The following DNAH8 variants were observed in gnomAD, a reference collection of about 807,000 sequenced individuals.
DNAH8 encodes the protein dynein axonemal heavy chain 8.
A neutral mutation model predicts 562.1 loss-of-function variants in DNAH8; 382 were observed. The observed-to-expected ratio is 0.68, with a 90% confidence interval of 0.63 to 0.74. The LOEUF (loss-of-function observed/expected upper bound fraction) is 0.74. Ranked by LOEUF, DNAH8 falls within the 30% of genes least tolerant of loss-of-function variation. The probability of loss-of-function intolerance (pLI) is 0.00; values close to 1 mark genes in which losing one functional copy is unlikely to be tolerated. For synonymous variants in DNAH8, 1,881 were observed against 1,919.4 expected, an observed-to-expected ratio of 0.98 and a Z score of 0.52; for missense variants, 5,203 against 5,620.4, an observed-to-expected ratio of 0.93 and a Z score of 2.37.
At chr6:38,760,449 A>G (rs1766377295) in intron 10 of DNAH8, among the ~76,000 whole-genome samples, 1 of 135,814 alleles carries the variant, frequency 7.4e-6, no homozygotes, top group South Asian at 2.7e-4. Flanking sequence ...TTGAATTTCT[A>G]AAATCTCAAA....
chr6:39,022,439 G>T (rs886536191), intron 91 of DNAH8, among the ~76,000 whole-genome samples: 7 of 152,202 alleles, frequency 4.6e-5, no homozygotes, highest in African/African-American at 1.4e-4. Context: ...GGAGCTGGGG[G>T]GTCCAGGCTT....
At chr6:38,975,520 CTGTG>C (rs1306017622) in intron 85 of DNAH8, among the ~76,000 whole-genome samples, 1 of 152,198 alleles carries the variant, frequency 6.6e-6, no homozygotes, top group East Asian at 1.9e-4. Context: ...CCAGAAAATA[CTGTG>C]TGTATTTACC....
intron 88 of DNAH8, among the ~76,000 whole-genome samples, chr6:38,992,381 C>T (rs141742851): frequency 3.0e-4 from 46 of 152,322 alleles, no homozygotes; most frequent in African/African-American, 1.0e-3. Context: ...ATCCCTTGTG[C>T]TATAGCAGTG....
chr6:38,715,958 A>T (rs370778134), intron 1 of DNAH8, among the ~76,000 whole-genome samples: 3,992 of 30,942 alleles, frequency 0.13, 590 homozygotes, highest in East Asian at 0.34. Flanking sequence ...ATATATATAT[A>T]TATTTTTTTT....
intron 57 of DNAH8, among the ~76,000 whole-genome samples, chr6:38,887,963 A>G (rs1043645039): frequency 3.3e-5 from 5 of 151,188 alleles, no homozygotes; most frequent in Non-Finnish European, 7.4e-5. Flanking sequence ...CAGCCTCCCA[A>G]TTAGCTGGGA....
intron 85 of DNAH8, among the ~76,000 whole-genome samples, chr6:38,981,798 A>G (rs1764056437): frequency 6.6e-6 from 1 of 152,232 alleles, no homozygotes; most frequent in Non-Finnish European, 1.5e-5. Flanking sequence ...AAGAACTCCA[A>G]CTTGGCAAAT....
chr6:38,842,556 G>T (rs762668340), intron 34 of DNAH8, 51 bp downstream of exon 34: 2 of 1,588,724 alleles, frequency 1.3e-6, no homozygotes, highest in East Asian at 2.2e-5. Flanking sequence ...GGATCCTATA[G>T]GTATTTCAGA....
chr6:38,908,401 G>A (rs997883545), intron 64 of DNAH8, among the ~76,000 whole-genome samples: 3 of 152,092 alleles, frequency 2.0e-5, no homozygotes, highest in African/African-American at 7.2e-5. Context: ...ATGTAACCTC[G>A]TCCAGCTCCA....
At chr6:38,878,602 A>G (rs963807880) in intron 53 of DNAH8, among the ~76,000 whole-genome samples, 23 of 152,204 alleles carry the variant, frequency 1.5e-4, no homozygotes, top group African/African-American at 5.3e-4. Context: ...AAGAGAAGAC[A>G]TACATTACCA....
chr6:38,857,552 A>T lies in DNAH8; in HGVS notation c.5768A>T (p.His1923Leu), dbSNP rs994955767. The T allele has an allele frequency of 2.5e-6, 4 of 1,613,572 alleles. No homozygotes were observed. The Admixed American group carries it at 6.7e-5, about 27-fold the overall frequency. The stretch of plus-strand genomic sequence containing the variant: ...CTGGGAATTCAGATGTTGTGGACAC[A>T]CGATTCAGAAGAGGCTTTACGTAAT... ...GLLGIQMLWT[H>L]DSEEALRNAK... is the part of the protein sequence containing the mutation. The change falls in exon 42 of 93, where the codon CAC (histidine) becomes CTC (leucine). Residue 1923 changes from histidine to leucine, a missense_variant. Around this residue, in one of 6 missense-constraint regions of DNAH8, gnomAD observed 2,176 missense variants for 2,365.1 expected, o/e 0.92. Transcript: ENST00000327475.
At chr6:38,980,024 A>T (rs1471404332) in intron 85 of DNAH8, among the ~76,000 whole-genome samples, 1 of 152,200 alleles carries the variant, frequency 6.6e-6, no homozygotes, top group East Asian at 1.9e-4. Context: ...TCATGTTAAT[A>T]TCCCATAACC....
chr6:38,932,284 T>A (rs1041915540), intron 76 of DNAH8, among the ~76,000 whole-genome samples: 1 of 151,754 alleles, frequency 6.6e-6, no homozygotes, highest in Non-Finnish European at 1.5e-5. Flanking sequence ...AGTCCTTGTC[T>A]TGGGGACACC....
chr6:38,778,100 T>A (rs1367734693), intron 13 of DNAH8, among the ~76,000 whole-genome samples: 1 of 152,230 alleles, frequency 6.6e-6, no homozygotes, highest in Non-Finnish European at 1.5e-5. Flanking sequence ...TAATATGAAA[T>A]CTTTAATGAG....
chr6:38,738,467 T>C (rs1388478392), intron 7 of DNAH8, among the ~76,000 whole-genome samples: 1 of 152,096 alleles, frequency 6.6e-6, no homozygotes, highest in African/African-American at 2.4e-5. Flanking sequence ...AGGAAAGTAG[T>C]GATAGGAATA....
At chr6:38,977,759 G>A (rs1263474493) in intron 85 of DNAH8, among the ~76,000 whole-genome samples, 3 of 152,116 alleles carry the variant, frequency 2.0e-5, no homozygotes, top group Non-Finnish European at 2.9e-5. Flanking sequence ...ATGTTCTATG[G>A]GTTATTTTTT....
intron 87 of DNAH8, among the ~76,000 whole-genome samples, chr6:38,987,362 T>C (rs567839300): frequency 2.4e-4 from 37 of 152,184 alleles, no homozygotes; most frequent in South Asian, 8.3e-4. Flanking sequence ...CACAGAGGAC[T>C]AGTGAGCTGA....
chr6:38,874,779 T>C (rs1248762247), intron 52 of DNAH8, among the ~76,000 whole-genome samples: 1 of 152,210 alleles, frequency 6.6e-6, no homozygotes, highest in Non-Finnish European at 1.5e-5. Context: ...GATCTCTCCT[T>C]ACACATTCTA....
intron 82 of DNAH8, among the ~76,000 whole-genome samples, chr6:38,971,221 T>TA (rs1170569889): frequency 2.0e-5 from 3 of 152,210 alleles, no homozygotes; most frequent in Non-Finnish European, 4.4e-5. Flanking sequence ...AACCAAAACT[T>TA]ACAGCAAAAC....
intron 42 of DNAH8, among the ~76,000 whole-genome samples, chr6:38,859,856 T>G (rs1445483096): frequency 6.6e-6 from 1 of 152,170 alleles, no homozygotes; most frequent in Non-Finnish European, 1.5e-5. Context: ...CTTAATCCCT[T>G]TAGTGGCTTC....
Sources: gnomAD v4.1 joint callset for allele counts (sites outside exome capture counted in the v4.1 genomes callset) on GRCh38, gnomAD v4.1.1 for gene constraint, gnomAD v4.1.1 regional missense constraint, MANE v1.5 for transcripts, NCBI Gene and HGNC (gene_info 2026-07-23, HGNC 2026-07-21) for gene names.